MBOAT1: variants seen among roughly 807,000 people sequenced by gnomAD.
MBOAT1 encodes the protein membrane bound glycerophospholipid O-acyltransferase 1.
In MBOAT1, 67 loss-of-function variants were observed where a neutral mutation model predicts 64.4. The observed-to-expected ratio is 1.04, with a 90% CI of 0.85 to 1.27. The LOEUF (loss-of-function observed/expected upper bound fraction) is 1.27, where lower values mean the gene tolerates loss of function less well. Ranked by LOEUF, MBOAT1 falls within the 50% of genes most tolerant of loss-of-function variation. MBOAT1 has a pLI of 0.00. For synonymous variants in MBOAT1, 229 were observed against 218.9 expected, an observed-to-expected ratio of 1.05 and a Z score of -0.41; for missense variants, 563 against 604.6, an observed-to-expected ratio of 0.93 and a Z score of 0.72.
chr6:20,146,181 A>T (rs1039081315), intron 3 of MBOAT1, among the ~76,000 whole-genome samples: 3 of 152,244 alleles, frequency 2.0e-5, no homozygotes, highest in Non-Finnish European at 2.9e-5. Flanking sequence ...AATATATGCC[A>T]TAAAACAGGG....
At chr6:20,125,545 A>T (rs910074688) in intron 7 of MBOAT1, among the ~76,000 whole-genome samples, 9 of 152,126 alleles carry the variant, frequency 5.9e-5, no homozygotes, top group African/African-American at 2.2e-4. Flanking sequence ...TGGCAGAAAG[A>T]CTCTCTGATG....
At position 20,109,705 on chromosome 6, in the gene MBOAT1, G is replaced by A. The variant is rs946261836; in HGVS notation, c.1254C>T (p.Leu418=). The part of the protein sequence containing the change: ...YRHYFLSSRA[L]KAVYDAGTWA... The stretch of plus-strand genomic sequence containing the variant: ...AGGTGCCTGCATCATACACAGCCTT[G>A]AGAGCTCTTGAAGAAAGGAAGTAAT... The change falls in exon 12 of 13, where the codon CTC becomes CTT. Residue 418 remains leucine, a synonymous_variant. Transcript: ENST00000324607. 3 of 1,613,988 alleles carry A rather than the reference G, an allele frequency of 1.9e-6. No individual in the cohort carries two copies. The highest frequency in any genetic ancestry group is 1.3e-5 in the African/African-American group (1 of 74,896).
intron 2 of MBOAT1, among the ~76,000 whole-genome samples, chr6:20,151,762 C>T (rs987560477): frequency 1.3e-5 from 2 of 152,172 alleles, no homozygotes; most frequent in African/African-American, 4.8e-5. Flanking sequence ...TCCCTAACAC[C>T]TTTCAGGGTA....
At chr6:20,105,494 G>A (rs1456895395) in intron 12 of MBOAT1, among the ~76,000 whole-genome samples, 1 of 152,230 alleles carries the variant, frequency 6.6e-6, no homozygotes, top group Non-Finnish European at 1.5e-5. Flanking sequence ...GCCAGGCGCA[G>A]TGGCTCAGGC....
intron 1 of MBOAT1, among the ~76,000 whole-genome samples, chr6:20,197,792 G>A (rs968034531): frequency 1.3e-5 from 2 of 152,196 alleles, no homozygotes; most frequent in Non-Finnish European, 1.5e-5. Context: ...TGTGTCACAG[G>A]TGTATCCTTA....
chr6:20,149,121 C>T (rs888980930), intron 3 of MBOAT1, among the ~76,000 whole-genome samples: 38 of 144,446 alleles, frequency 2.6e-4, no homozygotes, highest in Non-Finnish European at 4.5e-4. Context: ...AAAAAAAAAC[C>T]AAACAAAAAA....
rs1399299990 is a variant in MBOAT1, at chr6:20,212,251, GTGGC to G, written c.-21_-18del. ...TGCTGCCATCCTGCATCTTCGGGAG[GTGGC>G]TGCCCCTGTCCCAGCCCGCAACACC... is the stretch of plus-strand genomic sequence containing the variant. On this transcript the variant is annotated 5_prime_UTR_variant, in exon 1 of 13. Coordinates refer to ENST00000324607, the MANE Select transcript of MBOAT1 (RefSeq NM_001080480.3). 2 of 1,606,288 alleles carry G rather than the reference GTGGC, an allele frequency of 1.2e-6. No homozygotes were observed. Among genetic ancestry groups the G allele is most frequent in the Non-Finnish European group, 1.7e-6 (2 of 1,177,374 alleles).
In MBOAT1 at chr6:20,109,677, C is replaced by T. The variant is rs983799144; in HGVS notation, c.1282G>A (p.Ala428Thr). 1.9e-6 allele frequency: 3 copies of T among 1,614,178 alleles called. No homozygotes were observed. The highest frequency in any genetic ancestry group is 2.7e-5 in the African/African-American group (2 of 75,048). Reference protein sequence around the residue: ...LKAVYDAGTWAVTQLAVSYTV... With the variant: ...LKAVYDAGTWTVTQLAVSYTV... ...TAAGAGACAGCCAGCTGAGTGACGGCCCAGGTGCCTGCATCATACACAGCC... is the reference window on the plus strand; with the variant it reads ...TAAGAGACAGCCAGCTGAGTGACGGTCCAGGTGCCTGCATCATACACAGCC... Residue 428 changes from alanine (A) to threonine (T), a missense_variant, in exon 12 of 13, where the codon GCC becomes ACC. Coordinates refer to ENST00000324607, the MANE Select transcript of MBOAT1 (RefSeq NM_001080480.3).
Position 20,190,271 on chromosome 6 carries a change from G to A in MBOAT1, c.99+21865C>T, listed in dbSNP as rs529296279. 3.3e-5 allele frequency among the ~76,000 whole-genome samples: 5 copies of A among 152,226 alleles called. No homozygotes were observed. The East Asian group carries it at 9.6e-4, about 29-fold the overall frequency. On this transcript the variant is annotated intron_variant, in intron 1 of 12. Coordinates refer to ENST00000324607, the MANE Select transcript of MBOAT1 (RefSeq NM_001080480.3). ...GCCTCCCAAAGTTCTGGGATTACAG[G>A]CATGAGCCACTGTACCTGGCCGCTC...
chr6:20,105,075 G>A (rs2457338), intron 12 of MBOAT1, among the ~76,000 whole-genome samples: 12,218 of 152,182 alleles, frequency 0.08, 709 homozygotes, highest in African/African-American at 0.16. Context: ...AGATAAACAC[G>A]GTGATTTAAC....
intron 1 of MBOAT1, among the ~76,000 whole-genome samples, chr6:20,182,241 A>G (rs1225426316): frequency 1.3e-5 from 2 of 152,188 alleles, no homozygotes; most frequent in African/African-American, 4.8e-5. Flanking sequence ...GAGCAAGCAG[A>G]TTGGTGTCTG....
chr6:20,166,040 A>G (rs1377401742), intron 1 of MBOAT1, among the ~76,000 whole-genome samples: 1 of 152,142 alleles, frequency 6.6e-6, no homozygotes, highest in African/African-American at 2.4e-5. Context: ...CCAACCTTCT[A>G]TATCTAGCAT....
chr6:20,105,289 T>C (rs575275337), intron 12 of MBOAT1, among the ~76,000 whole-genome samples: 25 of 152,262 alleles, frequency 1.6e-4, no homozygotes, highest in Non-Finnish European at 3.5e-4. Context: ...TAAGGTTTAG[T>C]AACCTCTTCT....
chr6:20,115,230 C>T (rs778217311), intron 10 of MBOAT1, 58 bp downstream of exon 10: 3 of 1,282,484 alleles, frequency 2.3e-6, no homozygotes, highest in Admixed American at 3.4e-5. Flanking sequence ...CATCTACTGA[C>T]TCCCCTCTGA....
chr6:20,156,270 CAAAAA>C (rs371464826), intron 1 of MBOAT1, among the ~76,000 whole-genome samples: 2 of 100,916 alleles, frequency 2.0e-5, no homozygotes, highest in African/African-American at 6.9e-5. Flanking sequence ...GACTCCCTCT[CAAAAA>C]AAAAAAAAAA....
At position 20,212,003 on chromosome 6, in the gene MBOAT1, C is replaced by CACAA. The variant is rs1554123720; in HGVS notation, c.99+132_99+133insTTGT. On this transcript the variant is annotated intron_variant, in intron 1 of 12. Coordinates refer to ENST00000324607, the MANE Select transcript of MBOAT1 (RefSeq NM_001080480.3). ...ACACACACACACACACACACACACA[C>CACAA]AAAAACCAACTGTCTAGTGTGTGGC... 1.7e-4 allele frequency: 121 copies of CACAA among 722,350 alleles called. No homozygotes were observed. The East Asian group carries it at 1.7e-3, about 10-fold the overall frequency. The allele number at this position is 722,350 out of a possible 1,614,324, so 44.7% of individuals were successfully genotyped here.
intron 1 of MBOAT1, among the ~76,000 whole-genome samples, chr6:20,161,547 G>A (rs532768271): frequency 8.5e-5 from 13 of 152,112 alleles, no homozygotes; most frequent in East Asian, 1.9e-4. Flanking sequence ...AATAAATGCC[G>A]TTTATCCAGT....
Position 20,135,874 on chromosome 6 carries a change from A to T in MBOAT1, c.420-4675T>A, listed in dbSNP as rs569788889. 4.6e-5 allele frequency among the ~76,000 whole-genome samples: 7 copies of T among 152,306 alleles called. No homozygotes were observed. In the South Asian group the frequency reaches 1.4e-3, roughly 32 times the overall value. On this transcript the variant is annotated intron_variant, in intron 4 of 12. Coordinates refer to ENST00000324607, the MANE Select transcript of MBOAT1 (RefSeq NM_001080480.3). The stretch of plus-strand genomic sequence containing the variant: ...TACAGATTCAACAAACTTCCACTCA[A>T]CAGCAACCTAGACCGCTACTGCCAT...
chr6:20,200,091 G>A (rs1763076898), intron 1 of MBOAT1, among the ~76,000 whole-genome samples: 1 of 152,110 alleles, frequency 6.6e-6, no homozygotes, highest in African/African-American at 2.4e-5. Flanking sequence ...ATCCCTAATG[G>A]ACAAAAAATA....
Sources: allele counts gnomAD v4.1 joint callset (sites outside exome capture counted in the v4.1 genomes callset), GRCh38; gene constraint gnomAD v4.1.1; transcripts MANE v1.5; gene names NCBI Gene and HGNC (gene_info 2026-07-23, HGNC 2026-07-21).